The following PLA2G4F variants were observed in gnomAD, a reference collection of about 807,000 sequenced individuals.
The protein encoded by PLA2G4F is cytosolic phospholipase A2 zeta.
A neutral mutation model predicts 103.1 loss-of-function variants in PLA2G4F; 105 were observed. The ratio of observed to expected loss-of-function variants is 1.02; its 90% CI spans 0.87 to 1.20. The LOEUF is 1.20. Among genes scored for constraint, PLA2G4F ranks in the 50% most tolerant of loss-of-function variants. The probability of loss-of-function intolerance (pLI) is 0.00; values close to 1 mark genes in which losing one functional copy is unlikely to be tolerated. For synonymous variants in PLA2G4F, 468 were observed against 441.1 expected (o/e 1.06, Z -0.76); for missense variants, 1,155 against 1,075.9 (o/e 1.07, Z -1.03).
chr15:42,145,546 T>A, intron 16 of PLA2G4F, 29 bp downstream of exon 16: 1 of 1,593,224 alleles, frequency 6.3e-7, no homozygotes, highest in Non-Finnish European at 8.6e-7. Flanking sequence ...GAATGTGGTG[T>A]GGGAGGGGCT....
intron 13 of PLA2G4F, 62 bp from the exon 14 acceptor site, chr15:42,146,303 C>T: frequency 6.7e-7 from 1 of 1,503,118 alleles, no homozygotes; most frequent in Non-Finnish European, 9.2e-7. Flanking sequence ...ATCCCCGTGG[C>T]CTGGGGCCGG....
At position 42,154,416 on chromosome 15, in the gene PLA2G4F, G is replaced by A. The variant is rs142310375; in HGVS notation, c.227C>T (p.Ala76Val). The A allele has an allele frequency of 3.5e-5, 57 of 1,608,428 alleles. No individual in the cohort carries two copies. The highest frequency in any genetic ancestry group is 2.7e-4 in the East Asian group (12 of 44,754). Reference protein sequence around the residue: ...DCYVQLWLPTASPSPAQTRIV... With the variant: ...DCYVQLWLPTVSPSPAQTRIV... The stretch of plus-strand genomic sequence containing the variant: ...CCTAGTCTGGGCAGGGCTTGGGGAC[G>A]CCGTGGGCAGCCACAGTTGCACATA... The change falls in exon 3 of 20, where the codon GCG becomes GTG. Residue 76 changes from alanine to valine, a missense_variant. Ala to Val is a moderately conservative substitution (Grantham distance 64, BLOSUM62 0). Coordinates refer to ENST00000397272, the MANE Select transcript of PLA2G4F (RefSeq NM_213600.4).
At position 42,153,299 on chromosome 15, in the gene PLA2G4F, C is replaced by G; in HGVS notation, c.534+1G>C. ...GCGCCAAGCTTGCCTTCCCCACTCA[C>G]CACCAGAACCCCGTTGGTGATGACT... On this transcript the variant is annotated splice_donor_variant, in intron 6 of 19. Coordinates refer to ENST00000397272, the MANE Select transcript of PLA2G4F (RefSeq NM_213600.4). LOFTEE classifies it high-confidence loss of function. The G allele has an allele frequency of 6.2e-7, 1 of 1,614,156 alleles. No homozygotes were observed.
At chr15:42,143,300 C>T (rs745728102) in intron 18 of PLA2G4F, among the ~76,000 whole-genome samples, 17 of 152,058 alleles carry the variant, frequency 1.1e-4, no homozygotes, top group Non-Finnish European at 2.2e-4. Context: ...CCATGGTCCT[C>T]CAGGAACCAC....
At position 42,143,914 on chromosome 15, in the gene PLA2G4F, T is replaced by C. The variant is rs997964196; in HGVS notation, c.2142+64A>G. 4.0e-6 allele frequency: 6 copies of C among 1,505,374 alleles called. No individual in the cohort carries two copies. The African/African-American group carries it at 8.3e-5, about 21-fold the overall frequency. The allele number at this position is 1,505,374 out of a possible 1,614,324, so 93.3% of individuals were successfully genotyped here. On this transcript the variant is annotated intron_variant, in intron 18 of 19. Coordinates refer to ENST00000397272, the MANE Select transcript of PLA2G4F (RefSeq NM_213600.4). ...CACCAGAGCCTTCTTTCCCCTCCTC[T>C]CCTCCCTCACCCTTTCTGTCCACTC...
In PLA2G4F at chr15:42,150,600, G is replaced by A. The variant is rs372708874; in HGVS notation, c.771+8C>T. 4.8e-5 allele frequency: 77 copies of A among 1,600,634 alleles called. No individual in the cohort carries two copies. The highest frequency in any genetic ancestry group is 5.8e-5 in the Non-Finnish European group (68 of 1,173,204). ...TGGATCTACCGACCATCCTGGCGGC[G>A]CACTCACCTGCACAGCTGCCAGCAG... On this transcript the variant is annotated splice_region_variant and intron_variant, in intron 8 of 19. Coordinates refer to ENST00000397272, the MANE Select transcript of PLA2G4F (RefSeq NM_213600.4).
chr15:42,145,574 C>G lies in PLA2G4F; in HGVS notation c.1780+1G>C. 1.2e-6 allele frequency: 2 copies of G among 1,613,826 alleles called. No homozygotes were observed. Among genetic ancestry groups the G allele is most frequent in the Non-Finnish European group, 1.7e-6 (2 of 1,179,792 alleles). On this transcript the variant is annotated splice_donor_variant, in intron 16 of 19. Transcript: ENST00000397272. LOFTEE classifies it high-confidence loss of function. ...GAGGGGCTCGGGGTCGCTACCCTCA[C>G]CTGTGATATTCACACTGCCTCTGTA... is the stretch of plus-strand genomic sequence containing the variant.
At chr15:42,146,935 A>G in intron 13 of PLA2G4F, 189 bp downstream of exon 13, 1 of 598,226 alleles carries the variant, frequency 1.7e-6, no homozygotes, top group Non-Finnish European at 2.9e-6. Context: ...CCTCCTCCCC[A>G]GGGGTTAGGA....
rs754146895 is a variant in PLA2G4F, at chr15:42,150,813, G to C, written c.602-36C>G. 21 of 1,588,670 alleles carry C rather than the reference G, an allele frequency of 1.3e-5. No homozygotes were observed. The Middle Eastern group carries it at 1.5e-3, about 117-fold the overall frequency. ...AGGGCCCAGGTGGGTGCGCAGGTGA[G>C]GGGGTGGGTCTGTGTCTCTGCGGCT... is the stretch of plus-strand genomic sequence containing the variant. On this transcript the variant is annotated intron_variant, in intron 7 of 19. Coordinates refer to ENST00000397272, the MANE Select transcript of PLA2G4F (RefSeq NM_213600.4).
In PLA2G4F at chr15:42,150,625, G is replaced by C. The variant is rs73403546; in HGVS notation, c.754C>G (p.Leu252Val). ...SSRLHVELME[L>V]LAAVQSGPSA... ...GCACTCACCTGCACAGCTGCCAGCAGCTCCATCAGCTCCACGTGTAGCCTG... is the reference window on the plus strand; with the variant it reads ...GCACTCACCTGCACAGCTGCCAGCACCTCCATCAGCTCCACGTGTAGCCTG... Residue 252 changes from leucine (L) to valine (V), a missense_variant, in exon 8 of 20, where the codon CTG becomes GTG. Coordinates refer to ENST00000397272, the MANE Select transcript of PLA2G4F (RefSeq NM_213600.4). The C allele has an allele frequency of 0.081, 129,921 of 1,610,316 alleles. 10,472 individuals are homozygous for C. The highest frequency in any genetic ancestry group is 0.39 in the African/African-American group (28,860 of 74,892).
intron 2 of PLA2G4F, 66 bp from the exon 3 acceptor site, chr15:42,154,524 G>A: frequency 6.8e-7 from 1 of 1,474,512 alleles, no homozygotes; most frequent in Non-Finnish European, 9.0e-7. Flanking sequence ...TCCTTGGGGA[G>A]GCTAGGGCAG....
chr15:42,143,977 C>A lies in PLA2G4F; in HGVS notation c.2142+1G>T. The A allele has an allele frequency of 6.2e-7, 1 of 1,603,942 alleles. No homozygotes were observed. Among genetic ancestry groups the A allele is most frequent in the Non-Finnish European group, 8.5e-7 (1 of 1,173,774 alleles). On this transcript the variant is annotated splice_donor_variant, in intron 18 of 19. Coordinates refer to ENST00000397272, the MANE Select transcript of PLA2G4F (RefSeq NM_213600.4). LOFTEE classifies it high-confidence loss of function. The stretch of plus-strand genomic sequence containing the variant: ...CCCCACATCCCTGCCTCCCAGCTCA[C>A]CTCAAAAGGGGCTTCCAAGGAATAG...
At chr15:42,143,250 T>C (rs1279186389) in intron 18 of PLA2G4F, among the ~76,000 whole-genome samples, 4 of 145,506 alleles carry the variant, frequency 2.7e-5, no homozygotes, top group African/African-American at 1.1e-4. Context: ...TAATCAGTAA[T>C]GATCAACAAT....
In PLA2G4F at chr15:42,150,498, A is replaced by T. The variant is rs200627523; in HGVS notation, c.772-12T>A. 6.2e-7 allele frequency: 1 copy of T among 1,609,356 alleles called. No individual in the cohort carries two copies. Among genetic ancestry groups the T allele is most frequent in the East Asian group, 2.2e-5 (1 of 44,832 alleles). On this transcript the variant is annotated splice_polypyrimidine_tract_variant and intron_variant, in intron 8 of 19. Transcript: ENST00000397272. ...GCGCTGGGGCCACTCTGTGGAAAAG[A>T]AAACACCCAAGAAGCTCTCCAGCAG... is the stretch of plus-strand genomic sequence containing the variant.
rs758203357 is a variant in PLA2G4F, at chr15:42,144,027, G to A, written c.2093C>T (p.Ala698Val). The A allele has an allele frequency of 1.8e-5, 29 of 1,613,862 alleles. No homozygotes were observed. The highest frequency in any genetic ancestry group is 2.2e-5 in the South Asian group (2 of 91,038). Residue 698 changes from alanine to valine, a missense_variant, in exon 18 of 20, where the codon GCA (alanine) becomes GTA (valine). By Grantham distance (64) the Ala-to-Val change is moderately conservative. Around this residue, in one of 3 missense-constraint regions of PLA2G4F, gnomAD observed 782 missense variants for 692.9 expected, o/e 1.13. Coordinates refer to ENST00000397272, the MANE Select transcript of PLA2G4F (RefSeq NM_213600.4). ...PFPLALLPQR[A>V]VDLILSFDYS... ...GTCAAAGGACAGAATGAGGTCCACT[G>A]CTCTCTGAGGCAGCAGAGCCAGTGG...
chr15:42,154,055 C>T (rs1431542112), intron 4 of PLA2G4F, 37 bp downstream of exon 4: 1 of 1,613,058 alleles, frequency 6.2e-7, no homozygotes, highest in East Asian at 2.2e-5. Context: ...GCCTCCCCTC[C>T]TCCAGCTGGG....
chr15:42,149,960 C>T (rs1265356674), intron 10 of PLA2G4F, 112 bp from the exon 11 acceptor site: 1 of 1,523,470 alleles, frequency 6.6e-7, no homozygotes, highest in Non-Finnish European at 9.1e-7. Flanking sequence ...GGGATCCGCC[C>T]ACCAGCACCA....
Position 42,142,060 on chromosome 15 carries a change from T to C in PLA2G4F, c.2474A>G (p.Asn825Ser). The C allele has an allele frequency of 6.2e-7, 1 of 1,614,220 alleles. No homozygotes were observed. The highest frequency in any genetic ancestry group is 8.5e-7 in the Non-Finnish European group (1 of 1,180,040). ...GGCGCACTTCAAGGTCTCCACGTTG[T>C]TCAGGACGTTGTATCGACTGAGGGC... is the stretch of plus-strand genomic sequence containing the variant. ...LVALSRYNVLNNVETLKCALQ... is the reference protein window; with the variant it reads ...LVALSRYNVLSNVETLKCALQ... Residue 825 changes from asparagine to serine, a missense_variant, in exon 20 of 20, where the codon AAC becomes AGC. Around this residue, in one of 3 missense-constraint regions of PLA2G4F, gnomAD observed 782 missense variants for 692.9 expected, o/e 1.13. Transcript: ENST00000397272.
chr15:42,155,005 C>A lies in PLA2G4F; in HGVS notation c.184+512G>T, dbSNP rs113000472. Among the ~76,000 whole-genome samples, 196 of 152,172 alleles carry A rather than the reference C, an allele frequency of 1.3e-3. 1 individual carries two copies. Among genetic ancestry groups the A allele is most frequent in the African/African-American group, 4.5e-3 (188 of 41,498 alleles). Reference sequence around the variant, plus strand: ...TAGTACTCTCACACTGGCACACACACACGTATATACACACACTCGTACTCA... The same window carrying A: ...TAGTACTCTCACACTGGCACACACAAACGTATATACACACACTCGTACTCA... On this transcript the variant is annotated intron_variant, in intron 2 of 19. Coordinates refer to ENST00000397272, the MANE Select transcript of PLA2G4F (RefSeq NM_213600.4).
Sources: gnomAD v4.1 joint callset for allele counts (sites outside exome capture counted in the v4.1 genomes callset) on GRCh38, gnomAD v4.1.1 for gene constraint, gnomAD v4.1.1 regional missense constraint, MANE v1.5 for transcripts, NCBI Gene and HGNC (gene_info 2026-07-23, HGNC 2026-07-21) for gene names.